The following AGBL4 variants were observed in gnomAD, a reference collection of about 807,000 sequenced individuals.
AGBL4 encodes cytosolic carboxypeptidase 6.
AGBL4 carries 58 observed loss-of-function variants against 66.4 expected under a neutral mutation model. The observed-to-expected ratio is 0.87, with a 90% CI of 0.71 to 1.09. The LOEUF is 1.09. AGBL4 is among the 50% of genes least tolerant of loss of function. AGBL4 has a pLI of 0.00. For missense variants in AGBL4, 579 were observed against 631.0 expected (o/e 0.92, Z 0.88); for synonymous variants, 234 against 222.9 (o/e 1.05, Z -0.44).
At chr1:48,569,842 TG>T (rs1416132795) in intron 11 of AGBL4, among the ~76,000 whole-genome samples, 5 of 152,118 alleles carry the variant, frequency 3.3e-5, no homozygotes, top group African/African-American at 4.8e-5. Flanking sequence ...GCCACTCTTT[TG>T]GGGTTGTAGT....
intron 4 of AGBL4, among the ~76,000 whole-genome samples, chr1:49,133,280 C>T (rs917527517): frequency 1.3e-5 from 2 of 152,070 alleles, no homozygotes; most frequent in African/African-American, 4.8e-5. Context: ...GGACAAATAC[C>T]TAATGCATGG....
chr1:49,938,908 A>T (rs1455947375), intron 1 of AGBL4, among the ~76,000 whole-genome samples: 1 of 152,074 alleles, frequency 6.6e-6, no homozygotes, highest in African/African-American at 2.4e-5. Context: ...GAGGAAGTCA[A>T]ATTGTCCCTC....
chr1:49,502,836 A>G (rs920572374), intron 3 of AGBL4, among the ~76,000 whole-genome samples: 1 of 152,116 alleles, frequency 6.6e-6, no homozygotes, highest in African/African-American at 2.4e-5. Flanking sequence ...CTAAGCAGCA[A>G]AGCACTCAAG....
intron 6 of AGBL4, among the ~76,000 whole-genome samples, chr1:48,699,851 G>T (rs1435314076): frequency 2.6e-5 from 4 of 151,466 alleles, no homozygotes; most frequent in African/African-American, 4.9e-5. Flanking sequence ...CTTGTCTCAG[G>T]GTCTGCTCTG....
chr1:48,941,632 G>A (rs973241751), intron 5 of AGBL4, among the ~76,000 whole-genome samples: 3 of 152,142 alleles, frequency 2.0e-5, no homozygotes, highest in African/African-American at 7.2e-5. Flanking sequence ...TAAATTTCCT[G>A]CTATGACAGG....
At chr1:49,328,178 A>T (rs1345237836) in intron 3 of AGBL4, among the ~76,000 whole-genome samples, 2 of 152,204 alleles carry the variant, frequency 1.3e-5, no homozygotes, top group African/African-American at 4.8e-5. Context: ...AGATGAACTT[A>T]AGAATTGCTA....
intron 4 of AGBL4, among the ~76,000 whole-genome samples, chr1:49,163,552 C>T (rs1646577497): frequency 6.6e-6 from 1 of 152,144 alleles, no homozygotes; most frequent in African/African-American, 2.4e-5. Context: ...GACTATGAGC[C>T]TCTCAATGCA....
chr1:48,996,096 GA>G (rs1175908369), intron 5 of AGBL4, among the ~76,000 whole-genome samples: 10 of 150,510 alleles, frequency 6.6e-5, no homozygotes, highest in East Asian at 1.9e-4. Context: ...GTGAGGGAAA[GA>G]AAAAAAAATA....
At chr1:49,658,610 A>G (rs1219896732) in intron 3 of AGBL4, among the ~76,000 whole-genome samples, 3 of 152,204 alleles carry the variant, frequency 2.0e-5, no homozygotes, top group African/African-American at 4.8e-5. Context: ...AACCAACCCA[A>G]ATGTCCATCA....
intron 4 of AGBL4, among the ~76,000 whole-genome samples, chr1:49,225,274 T>C (rs1336772769): frequency 2.0e-5 from 3 of 152,210 alleles, no homozygotes; most frequent in Non-Finnish European, 4.4e-5. Context: ...AGACCTTATG[T>C]ATATCAACAT....
At chr1:48,607,975 T>G (rs538731278) in intron 9 of AGBL4, among the ~76,000 whole-genome samples, 1 of 152,308 alleles carries the variant, frequency 6.6e-6, no homozygotes, top group South Asian at 2.1e-4. Flanking sequence ...AATAACTTGA[T>G]TGAAGTCACA....
chr1:49,062,050 A>G (rs566854007), intron 4 of AGBL4, among the ~76,000 whole-genome samples: 160 of 152,112 alleles, frequency 1.1e-3, no homozygotes, highest in Non-Finnish European at 1.7e-3. Flanking sequence ...TGCAAACCCT[A>G]TTGTGAACTT....
At chr1:48,777,492 C>G (rs1470359023) in intron 6 of AGBL4, among the ~76,000 whole-genome samples, 8 of 149,916 alleles carry the variant, frequency 5.3e-5, no homozygotes, top group Non-Finnish European at 1.2e-4. Context: ...TCTTTGCTTT[C>G]TTTCTTTTTG....
At chr1:49,258,918 T>A (rs1279589004) in intron 3 of AGBL4, among the ~76,000 whole-genome samples, 1 of 152,166 alleles carries the variant, frequency 6.6e-6, no homozygotes, top group Non-Finnish European at 1.5e-5. Flanking sequence ...AAGGTCGGGT[T>A]ACCCACAAAG....
intron 1 of AGBL4, among the ~76,000 whole-genome samples, chr1:49,922,689 A>G (rs1158460574): frequency 6.6e-6 from 1 of 152,192 alleles, no homozygotes; most frequent in South Asian, 2.1e-4. Flanking sequence ...CAAGAGCCAA[A>G]TCAGGAACAA....
intron 3 of AGBL4, among the ~76,000 whole-genome samples, chr1:49,368,365 T>C (rs1425974197): frequency 2.6e-5 from 4 of 152,212 alleles, no homozygotes; most frequent in African/African-American, 4.8e-5. Flanking sequence ...TTTTTTACGT[T>C]CCCACCAGCA....
chr1:49,440,818 T>A (rs1459374197), intron 3 of AGBL4, among the ~76,000 whole-genome samples: 1 of 152,148 alleles, frequency 6.6e-6, no homozygotes, highest in Non-Finnish European at 1.5e-5. Flanking sequence ...TAGAAAAGAA[T>A]GGGACCCCAA....
chr1:49,135,569 G>T (rs899654985), intron 4 of AGBL4, among the ~76,000 whole-genome samples: 2 of 152,150 alleles, frequency 1.3e-5, no homozygotes, highest in African/African-American at 4.8e-5. Flanking sequence ...TGTTTCTACA[G>T]ATATTAAATT....
chr1:49,694,668 T>C (rs568110690), intron 3 of AGBL4, among the ~76,000 whole-genome samples: 37 of 152,248 alleles, frequency 2.4e-4, no homozygotes, highest in African/African-American at 8.9e-4. Flanking sequence ...CACAGTTAAT[T>C]GATAGATAAG....
Sources: gnomAD v4.1 joint callset for allele counts (sites outside exome capture counted in the v4.1 genomes callset) on GRCh38, gnomAD v4.1.1 for gene constraint, MANE v1.5 for transcripts, NCBI Gene and HGNC (gene_info 2026-07-23, HGNC 2026-07-21) for gene names.